The following IPO13 variants were observed in gnomAD, a reference collection of about 807,000 sequenced individuals.
The protein encoded by IPO13 is importin-13.
IPO13 carries 28 observed loss-of-function variants against 115.5 expected under a neutral mutation model. That is an observed-to-expected ratio of 0.24 (90% CI 0.18 to 0.33). The LOEUF (loss-of-function observed/expected upper bound fraction) is 0.33. Among genes scored for constraint, IPO13 ranks in the 10% least tolerant of loss-of-function variants. The probability of loss-of-function intolerance (pLI) is 1.00; values close to 1 mark genes in which losing one functional copy is unlikely to be tolerated. For missense variants in IPO13, 785 were observed against 1,204.6 expected, an observed-to-expected ratio of 0.65 and a Z score of 5.16; for synonymous variants, 414 against 478.9, an observed-to-expected ratio of 0.86 and a Z score of 1.77.
Position 43,956,656 on chromosome 1 carries a change from T to C in IPO13, c.1059T>C (p.Asn353=), listed in dbSNP as rs1199102830. ...GCATCCCTGGCCACTATCCTGTCAA[T>C]GAGACCACCAGCTCCCTAACCCTCA... ...CTGIPGHYPV[N]ETTSSLTLTF... Residue 353 remains asparagine (N), a synonymous_variant, in exon 4 of 20, where the codon AAT becomes AAC. Transcript: ENST00000372343. The surrounding 1 kb of genome is among the most constrained non-coding windows in gnomAD (Gnocchi z 4.7). 1 of 1,614,186 alleles carries C rather than the reference T, an allele frequency of 6.2e-7. No individual in the cohort carries two copies. The highest frequency in any genetic ancestry group is 1.1e-5 in the South Asian group (1 of 91,086).
Position 43,967,371 on chromosome 1 carries a change from C to A in IPO13, c.2670C>A (p.Phe890Leu). Residue 890 changes from phenylalanine to leucine, a missense_variant, in exon 19 of 20, where the codon TTC becomes TTA. Phe to Leu is a conservative substitution (Grantham distance 22). Transcript: ENST00000372343. This position sits in a 1 kb window ranked among gnomAD's most constrained non-coding sequence, Gnocchi z 6.1. ...TGGACTGCTTTGCCGATATCCTGTT[C>A]GCCCTGAACAAGCACTGCTTCAGCC... ...SLMDCFADIL[F>L]ALNKHCFSLL... 1 of 1,614,146 alleles carries A rather than the reference C, an allele frequency of 6.2e-7. No individual in the cohort carries two copies. The highest frequency in any genetic ancestry group is 1.1e-5 in the South Asian group (1 of 91,086).
intron 1 of IPO13, among the ~76,000 whole-genome samples, chr1:43,949,004 T>C (rs146406717): frequency 0.019 from 2,867 of 152,326 alleles, 45 homozygotes; most frequent in Non-Finnish European, 0.028. Flanking sequence ...TTGGAGTTGA[T>C]GGGAGCAGCT....
At position 43,958,771 on chromosome 1, in the gene IPO13, T is replaced by C. The variant is rs752272701; in HGVS notation, c.1910T>C (p.Ile637Thr). 2 of 1,614,136 alleles carry C rather than the reference T, an allele frequency of 1.2e-6. No homozygotes were observed. The highest frequency in any genetic ancestry group is 1.7e-5 in the Admixed American group (1 of 60,028). The change falls in exon 11 of 20, where the codon ATT (isoleucine) becomes ACT (threonine). Residue 637 changes from isoleucine to threonine, a missense_variant. Physicochemically the swap from Ile to Thr is moderately conservative, Grantham distance 89 (BLOSUM62 -1). This residue lies in a region of IPO13 where 175 missense variants were observed against 360.0 expected (regional missense o/e 0.49). Transcript: ENST00000372343. This position sits in a 1 kb window ranked among gnomAD's most constrained non-coding sequence, Gnocchi z 6.3. ...CCCAATCCCTCCAACAAGCTGGCCA[T>C]TGTTCACATCTTGGGGCTTCTCTCC... ...EIPNPSNKLA[I>T]VHILGLLSNL...
chr1:43,950,199 C>A, intron 2 of IPO13, 46 bp downstream of exon 2: 1 of 1,554,744 alleles, frequency 6.4e-7, no homozygotes, highest in South Asian at 1.2e-5. Context: ...TTTGGCCAGC[C>A]ACACATCCAT....
rs551409523 is a variant in IPO13 at position 43,946,982 on chromosome 1, C to CGGCTGTAGCGG, written c.-609_-599dup. The CGGCTGTAGCGG allele has an allele frequency of 5.1e-3, 2,015 of 398,558 alleles. 8 individuals carry two copies. Among genetic ancestry groups the CGGCTGTAGCGG allele is most frequent in the South Asian group, 8.5e-3 (66 of 7,794 alleles). The allele number at this position is 398,558 out of a possible 1,614,324, so 24.7% of individuals were successfully genotyped here. A position where few individuals can be genotyped will look rare whatever the true frequency, so the allele number is the denominator to read the frequency against. Reference sequence around the variant, plus strand: ...TTGTCAGTCACTGGGGCGGAGGCAGCGGCTGTAGCGGGGCTGTAGCCGGGC... The same window carrying CGGCTGTAGCGG: ...TTGTCAGTCACTGGGGCGGAGGCAGCGGCTGTAGCGGGGCTGTAGCGGGGCTGTAGCCGGGC... On this transcript the variant is annotated 5_prime_UTR_variant, in exon 1 of 20. Coordinates refer to ENST00000372343, the MANE Select transcript of IPO13 (RefSeq NM_014652.4).
intron 2 of IPO13, among the ~76,000 whole-genome samples, chr1:43,954,407 G>T (rs563884147): frequency 6.6e-6 from 1 of 152,146 alleles, no homozygotes; most frequent in Non-Finnish European, 1.5e-5. Context: ...GCCTCTTTTT[G>T]TCCTTCTCAT....
chr1:43,949,653 C>T lies in IPO13; in HGVS notation c.321C>T (p.Thr107=). The change falls in exon 2 of 20, where the codon ACC becomes ACT. Residue 107 remains threonine (T), a synonymous_variant. Transcript: ENST00000372343. The part of the protein sequence containing the change: ...QYESLKAQLF[T]QITRFASGSK... ...AAAGCCTAAAGGCACAGCTCTTCAC[C>T]CAGATCACCCGCTTTGCCAGTGGCT... The T allele has an allele frequency of 6.2e-7, 1 of 1,614,248 alleles. No homozygotes were observed. Among genetic ancestry groups the T allele is most frequent in the Non-Finnish European group, 8.5e-7 (1 of 1,180,048 alleles).
At chr1:43,957,621 C>T (rs2085260349) in intron 7 of IPO13, 72 bp downstream of exon 7, 40 of 1,561,544 alleles carry the variant, frequency 2.6e-5, no homozygotes, top group Non-Finnish European at 3.5e-5. Context: ...AGCCAGCATG[C>T]TGGATCCTAT....
chr1:43,964,287 A>G lies in IPO13; in HGVS notation c.2363A>G (p.Asp788Gly), dbSNP rs2085307988. The G allele has an allele frequency of 6.2e-7, 1 of 1,610,314 alleles. No homozygotes were observed. Among genetic ancestry groups the G allele is most frequent in the Admixed American group, 1.7e-5 (1 of 59,912 alleles). ...LFQQGPRDHP[D>G]IVDSFMQLLA... ...ATTTTAGGGCCCAGGGATCATCCTG[A>G]TATTGTTGATTCATTTATGCAACTC... Residue 788 changes from aspartate to glycine, a missense_variant, in exon 15 of 20, where the codon GAT (aspartate) becomes GGT (glycine). By Grantham distance (94) the Asp-to-Gly change is moderately conservative. Around this residue, in one of 3 missense-constraint regions of IPO13, gnomAD observed 285 missense variants for 394.8 expected, o/e 0.72. Transcript: ENST00000372343.
At position 43,949,774 on chromosome 1, in the gene IPO13, C is replaced by T. The variant is rs147398347; in HGVS notation, c.442C>T (p.Arg148Ter). Residue 148 changes from arginine (R) to a stop codon, truncating the protein, a stop_gained, in exon 2 of 20, where the codon CGA becomes TGA. Coordinates refer to ENST00000372343, the MANE Select transcript of IPO13 (RefSeq NM_014652.4). LOFTEE classifies it high-confidence loss of function. ...AWPCAVADMVRLFQAEDSPVD... is the reference protein window; with the variant it reads ...AWPCAVADMV Reference sequence around the variant, plus strand: ...GCCATGTGCTGTGGCAGATATGGTACGACTCTTCCAGGCTGAGGACTCACC... The same window carrying T: ...GCCATGTGCTGTGGCAGATATGGTATGACTCTTCCAGGCTGAGGACTCACC... 2 of 1,614,138 alleles carry T rather than the reference C, an allele frequency of 1.2e-6. No homozygotes were observed. Among genetic ancestry groups the T allele is most frequent in the Non-Finnish European group, 1.7e-6 (2 of 1,180,022 alleles).
rs1184393432 is a variant in IPO13, at chr1:43,952,567, C to A, written c.821+2414C>A. ...CATAAGAAGTAGAACTGGAATCATGCAATAGAAAGTGGGCCTAGTTGTTCA... is the reference window on the plus strand; with the variant it reads ...CATAAGAAGTAGAACTGGAATCATGAAATAGAAAGTGGGCCTAGTTGTTCA... On this transcript the variant is annotated intron_variant, in intron 2 of 19. Coordinates refer to ENST00000372343, the MANE Select transcript of IPO13 (RefSeq NM_014652.4). This position sits in a 1 kb window ranked among gnomAD's most constrained non-coding sequence, Gnocchi z 4.7. Among the ~76,000 whole-genome samples, 1 of 152,042 alleles carries A rather than the reference C, an allele frequency of 6.6e-6. No individual in the cohort carries two copies. The highest frequency in any genetic ancestry group is 1.5e-5 in the Non-Finnish European group (1 of 68,022).
Position 43,966,752 on chromosome 1 carries a change from ACCT to A in IPO13, c.2494_2496del (p.Pro832del), listed in dbSNP as rs748571277. On this transcript the variant is annotated inframe_deletion, in exon 17 of 20. Transcript: ENST00000372343. The surrounding 1 kb of genome is among the most constrained non-coding windows in gnomAD (Gnocchi z 4.1). ...TGCTGGCCCTCAAGTTCCCTGAGGC[ACCT>A]ACTGTCAAGGCCTCCTGTGGCTTCT... The A allele has an allele frequency of 1.9e-6, 3 of 1,614,068 alleles. No individual in the cohort carries two copies. In the South Asian group the frequency reaches 3.3e-5, roughly 18 times the overall value.
In IPO13 at chr1:43,950,053, G is replaced by T. The variant is rs746723137; in HGVS notation, c.721G>T (p.Ala241Ser). The T allele has an allele frequency of 6.2e-7, 1 of 1,613,808 alleles. No homozygotes were observed. Among genetic ancestry groups the T allele is most frequent in the Non-Finnish European group, 8.5e-7 (1 of 1,179,978 alleles). ...GGAGGTGCCGCTGCAGGACTGTGAG[G>T]CGCTCATTCAGGCTGCCTTTGCTGC... ...QLEVPLQDCEALIQAAFAALQ... is the reference protein window; with the variant it reads ...QLEVPLQDCESLIQAAFAALQ... Residue 241 changes from alanine (A) to serine (S), a missense_variant, in exon 2 of 20, where the codon GCG becomes TCG. Ala to Ser is a moderately conservative substitution (Grantham distance 99). Coordinates refer to ENST00000372343, the MANE Select transcript of IPO13 (RefSeq NM_014652.4).
chr1:43,962,974 CT>C (rs1237795008), intron 14 of IPO13, among the ~76,000 whole-genome samples: 1 of 152,218 alleles, frequency 6.6e-6, no homozygotes, highest in Non-Finnish European at 1.5e-5. Context: ...CCCTTGGAAC[CT>C]TTCCTTCTCA....
In IPO13 at chr1:43,958,505, G is replaced by A. The variant is rs769920389; in HGVS notation, c.1794G>A (p.Leu598=). 9 of 1,614,032 alleles carry A rather than the reference G, an allele frequency of 5.6e-6. No homozygotes were observed. Among genetic ancestry groups the A allele is most frequent in the Non-Finnish European group, 7.6e-6 (9 of 1,180,040 alleles). The change falls in exon 10 of 20, where the codon CTG becomes CTA. Residue 598 remains leucine, a synonymous_variant. Coordinates refer to ENST00000372343, the MANE Select transcript of IPO13 (RefSeq NM_014652.4). The surrounding 1 kb of genome is among the most constrained non-coding windows in gnomAD (Gnocchi z 6.3). ...TGATGCAGGCGCTGGGCTTCCTGCT[G>A]TCAGCTCTTCAAGTGGAGGAGATCC... The part of the protein sequence containing the change: ...MWLMQALGFL[L]SALQVEEILK...
chr1:43,960,234 T>G lies in IPO13; in HGVS notation c.2029-15T>G. 1 of 1,614,042 alleles carries G rather than the reference T, an allele frequency of 6.2e-7. No individual in the cohort carries two copies. Among genetic ancestry groups the G allele is most frequent in the East Asian group, 2.2e-5 (1 of 44,878 alleles). The stretch of plus-strand genomic sequence containing the variant: ...ATGGATAGCAGAAGCGCCTCACTTC[T>G]TCCTGTGCCTTCAGGTGGTGGTGGT... On this transcript the variant is annotated splice_polypyrimidine_tract_variant and intron_variant, in intron 11 of 19. Coordinates refer to ENST00000372343, the MANE Select transcript of IPO13 (RefSeq NM_014652.4).
rs1484804082 is a variant in IPO13, at chr1:43,947,675, C to A, written c.75C>A (p.Asn25Lys). 4.5e-6 allele frequency: 6 copies of A among 1,319,296 alleles called. No homozygotes were observed. The highest frequency in any genetic ancestry group is 5.9e-6 in the Non-Finnish European group (6 of 1,024,782). The allele number at this position is 1,319,296 out of a possible 1,614,324, so 81.7% of individuals were successfully genotyped here. ...CAGCCTTGGACTTCACTGTGGAGAA[C>A]GTGGAGAAGGTATGAGGGCTCTGGG... ...AAPALDFTVE[N>K]VEKALHQLYY... Residue 25 changes from asparagine (N) to lysine (K), a missense_variant, in exon 1 of 20, where the codon AAC becomes AAA. Coordinates refer to ENST00000372343, the MANE Select transcript of IPO13 (RefSeq NM_014652.4).
rs774234438 is a variant in IPO13, at chr1:43,967,648, G to A, written c.2858G>A (p.Gly953Asp). ...MVKEFTLLCRGLHGTDYTADY is the reference protein window; with the variant it reads ...MVKEFTLLCRDLHGTDYTADY ...AAGGAGTTCACACTGCTGTGCCGGG[G>A]TCTCCATGGCACAGATTACACAGCT... is the stretch of plus-strand genomic sequence containing the variant. The change falls in exon 20 of 20, where the codon GGT (glycine) becomes GAT (aspartate). Residue 953 changes from glycine to aspartate, a missense_variant. By Grantham distance (94) the Gly-to-Asp change is moderately conservative (BLOSUM62 -1). Around this residue, in one of 3 missense-constraint regions of IPO13, gnomAD observed 285 missense variants for 394.8 expected, o/e 0.72. Transcript: ENST00000372343. This position sits in a 1 kb window ranked among gnomAD's most constrained non-coding sequence, Gnocchi z 6.1. The A allele has an allele frequency of 6.2e-7, 1 of 1,614,090 alleles. No individual in the cohort carries two copies. Among genetic ancestry groups the A allele is most frequent in the African/African-American group, 1.3e-5 (1 of 74,924 alleles).
chr1:43,958,426 T>A lies in IPO13; in HGVS notation c.1750-35T>A, dbSNP rs547397899. The stretch of plus-strand genomic sequence containing the variant: ...TTCCTTCCTACCCCACAACTAGATG[T>A]GGCCAGGACTGACCATCCATGTTCT... On this transcript the variant is annotated intron_variant, in intron 9 of 19. Coordinates refer to ENST00000372343, the MANE Select transcript of IPO13 (RefSeq NM_014652.4). This position sits in a 1 kb window ranked among gnomAD's most constrained non-coding sequence, Gnocchi z 6.3. 6.2e-7 allele frequency: 1 copy of A among 1,612,732 alleles called. No individual in the cohort carries two copies. The highest frequency in any genetic ancestry group is 8.5e-7 in the Non-Finnish European group (1 of 1,179,402).
Sources: allele counts gnomAD v4.1 joint callset (sites outside exome capture counted in the v4.1 genomes callset), GRCh38; gene constraint gnomAD v4.1.1; regional missense constraint gnomAD v4.1.1; non-coding constraint Gnocchi (gnomAD v3.1); transcripts MANE v1.5; gene names NCBI Gene and HGNC (gene_info 2026-07-23, HGNC 2026-07-21).